Variants in ALDH1L2 observed in about 807,000 individuals in gnomAD.
The protein encoded by ALDH1L2 is mitochondrial 10-formyltetrahydrofolate dehydrogenase.
Under a neutral mutation model 111.0 loss-of-function variants are expected in ALDH1L2, and 91 were observed. The observed-to-expected ratio is 0.82, with a 90% CI of 0.69 to 0.98. ALDH1L2 has a LOEUF of 0.98. Among genes scored for constraint, ALDH1L2 ranks in the 50% least tolerant of loss-of-function variants. ALDH1L2 has a pLI of 0.00. For synonymous variants in ALDH1L2, 374 were observed against 392.6 expected (o/e 0.95, Z 0.56); for missense variants, 995 against 1,126.8 (o/e 0.88, Z 1.67).
Position 105,070,732 on chromosome 12 carries a change from T to C in ALDH1L2, c.266A>G (p.Lys89Arg). The C allele has an allele frequency of 1.2e-6, 2 of 1,614,192 alleles. No individual in the cohort carries two copies. Among genetic ancestry groups the C allele is most frequent in the African/African-American group, 1.3e-5 (1 of 75,040 alleles). ...PKWRVKGKTI[K>R]EVAEAYRSVG... ...GGATCTGTAGGCTTCTGCCACTTCT[T>C]TGATGGTCTTGCCCTTGACCCTCCA... The change falls in exon 3 of 23, where the codon AAA (lysine) becomes AGA (arginine). Residue 89 changes from lysine to arginine, a missense_variant. Physicochemically the swap from Lys to Arg is conservative, Grantham distance 26 (BLOSUM62 2). Transcript: ENST00000258494.
In ALDH1L2 at chr12:105,073,900, A is replaced by G; in HGVS notation, c.154T>C (p.Phe52Leu). The change falls in exon 2 of 23, where the codon TTC becomes CTC. Residue 52 changes from phenylalanine (F) to leucine (L), a missense_variant. Physicochemically the swap from Phe to Leu is conservative, Grantham distance 22 (BLOSUM62 0). Coordinates refer to ENST00000258494, the MANE Select transcript of ALDH1L2 (RefSeq NM_001034173.4). ...TTTCCATCCTTGTCTGGAACTGTGAACACCCCTACTACTCGGTGGCCCTCT... is the reference window on the plus strand; with the variant it reads ...TTTCCATCCTTGTCTGGAACTGTGAGCACCCCTACTACTCGGTGGCCCTCT... ...RKEGHRVVGV[F>L]TVPDKDGKAD... 1 of 1,614,100 alleles carries G rather than the reference A, an allele frequency of 6.2e-7. No individual in the cohort carries two copies. The highest frequency in any genetic ancestry group is 8.5e-7 in the Non-Finnish European group (1 of 1,180,018).
In ALDH1L2 at chr12:105,034,386, C is replaced by T; in HGVS notation, c.2158G>A (p.Val720Ile). The T allele has an allele frequency of 6.2e-7, 1 of 1,611,208 alleles. No individual in the cohort carries two copies. Among genetic ancestry groups the T allele is most frequent in the Non-Finnish European group, 8.5e-7 (1 of 1,179,288 alleles). The change falls in exon 19 of 23, where the codon GTA becomes ATA. Residue 720 changes from valine to isoleucine, a missense_variant. By Grantham distance (29) the Val-to-Ile change is conservative. Coordinates refer to ENST00000258494, the MANE Select transcript of ALDH1L2 (RefSeq NM_001034173.4). Reference sequence around the variant, plus strand: ...CAGTTCTCTCCTTTGTTGAAAAATACTGCTCCCATGCCCTTCAGTGGGAGA... The same window carrying T: ...CAGTTCTCTCCTTTGTTGAAAAATATTGCTCCCATGCCCTTCAGTGGGAGA... ...DKAVRMGMGA[V>I]FFNKGENCIA...
At chr12:105,059,534 A>G (rs1222565556) in intron 9 of ALDH1L2, among the ~76,000 whole-genome samples, 2 of 152,156 alleles carry the variant, frequency 1.3e-5, no homozygotes, top group East Asian at 3.9e-4. Context: ...TAGTTAAGCC[A>G]ATTAGAAGTT....
chr12:105,080,924 A>T (rs1321137627), intron 1 of ALDH1L2, among the ~76,000 whole-genome samples: 2 of 152,232 alleles, frequency 1.3e-5, no homozygotes, highest in Non-Finnish European at 2.9e-5. Context: ...CGTGGATTCA[A>T]CCAACCATGA....
chr12:105,027,753 C>T (rs935262134), intron 21 of ALDH1L2, among the ~76,000 whole-genome samples: 2 of 152,182 alleles, frequency 1.3e-5, no homozygotes, highest in Non-Finnish European at 2.9e-5. Context: ...ATAGTGCTGA[C>T]TTAACTCTTC....
At chr12:105,035,835 ATATATGTGTGTGTG>A in intron 18 of ALDH1L2, among the ~76,000 whole-genome samples, 1 of 99,054 alleles carries the variant, frequency 1.0e-5, no homozygotes, top group South Asian at 2.7e-4. Context: ...CTATATATAT[ATATATGTGTGTGTG>A]TGTGTGTGTG....
chr12:105,027,481 T>C (rs999606901), intron 21 of ALDH1L2, among the ~76,000 whole-genome samples: 13 of 152,216 alleles, frequency 8.5e-5, no homozygotes, highest in African/African-American at 2.7e-4. Context: ...ACCAGTGCCA[T>C]TGTCGAGGTG....
chr12:105,052,034 C>T (rs1329614516), intron 12 of ALDH1L2, 56 bp downstream of exon 12: 3 of 1,414,224 alleles, frequency 2.1e-6, no homozygotes, highest in Non-Finnish European at 2.8e-6. Flanking sequence ...GTAGTGAACC[C>T]CTGTCTCTAC....
At chr12:105,042,687 C>T (rs1201890621) in intron 15 of ALDH1L2, among the ~76,000 whole-genome samples, 1 of 152,204 alleles carries the variant, frequency 6.6e-6, no homozygotes, top group Non-Finnish European at 1.5e-5. Context: ...TCCCACCCTC[C>T]TTTCCACCCC....
chr12:105,029,601 A>C (rs1179137791), intron 21 of ALDH1L2, among the ~76,000 whole-genome samples: 1 of 152,212 alleles, frequency 6.6e-6, no homozygotes, highest in Non-Finnish European at 1.5e-5. Flanking sequence ...CCTTGAATGG[A>C]TATATCAAAG....
chr12:105,061,557 G>A, intron 8 of ALDH1L2, 70 bp downstream of exon 8: 1 of 1,593,216 alleles, frequency 6.3e-7, no homozygotes, highest in Non-Finnish European at 8.6e-7. Context: ...TTTGAGGACT[G>A]ATGGTACCAG....
At chr12:105,068,652 C>G in intron 4 of ALDH1L2, 67 bp downstream of exon 4, 1 of 1,302,108 alleles carries the variant, frequency 7.7e-7, no homozygotes. Context: ...ATAATTTCTT[C>G]ATAAAAGAAA....
chr12:105,038,957 G>A (rs935630426), intron 17 of ALDH1L2, among the ~76,000 whole-genome samples: 1 of 152,112 alleles, frequency 6.6e-6, no homozygotes, highest in Admixed American at 6.5e-5. Flanking sequence ...AAAGTACGCT[G>A]CTTATTTTTC....
intron 7 of ALDH1L2, 86 bp downstream of exon 7, chr12:105,062,802 A>G: frequency 2.0e-6 from 3 of 1,498,406 alleles, no homozygotes; most frequent in Non-Finnish European, 2.7e-6. Flanking sequence ...CCAGCCAGCA[A>G]TGGAGTGAAA....
intron 14 of ALDH1L2, 22 bp from the exon 15 acceptor site, chr12:105,046,837 A>G: frequency 6.2e-7 from 1 of 1,613,334 alleles, no homozygotes; most frequent in Non-Finnish European, 8.5e-7. Flanking sequence ...GAAATTCGAC[A>G]TGCTTAGTTG....
intron 17 of ALDH1L2, 42 bp from the exon 18 acceptor site, chr12:105,038,244 T>C: frequency 1.7e-6 from 1 of 581,030 alleles, no homozygotes. Flanking sequence ...AGTTAACATC[T>C]CTCTCTCTCT....
chr12:105,039,764 CG>C lies in ALDH1L2; in HGVS notation c.1993del (p.Arg665AlafsTer16). The C allele has an allele frequency of 6.2e-7, 1 of 1,613,896 alleles. No homozygotes were observed. On this transcript the variant is annotated frameshift_variant, in exon 17 of 23. Transcript: ENST00000258494. LOFTEE classifies it high-confidence loss of function. ...GQRLSEHPDIRKLGFTGSTPI... is the reference protein window; with the variant it reads ...GQRLSEHPDIXKLGFTGSTPI... Reference sequence around the variant, plus strand: ...AGTGGATCCAGTGAAACCAAGTTTGCGGATGTCAGGATGTTCAGACAGACGT... The same window carrying C: ...AGTGGATCCAGTGAAACCAAGTTTGCGATGTCAGGATGTTCAGACAGACGT...
chr12:105,039,897 G>A, intron 16 of ALDH1L2, 91 bp from the exon 17 acceptor site: 8 of 1,043,856 alleles, frequency 7.7e-6, no homozygotes, highest in Non-Finnish European at 1.2e-5. Flanking sequence ...TTGGGAGGCT[G>A]AGGCAAGCAG....
chr12:105,082,774 G>A (rs1479864647), intron 1 of ALDH1L2, among the ~76,000 whole-genome samples: 1 of 152,190 alleles, frequency 6.6e-6, no homozygotes, highest in Non-Finnish European at 1.5e-5. Flanking sequence ...ATATAAAACT[G>A]CCAAACAGTT....
Sources: gnomAD v4.1 joint callset for allele counts (sites outside exome capture counted in the v4.1 genomes callset) on GRCh38, gnomAD v4.1.1 for gene constraint, MANE v1.5 for transcripts, NCBI Gene and HGNC (gene_info 2026-07-23, HGNC 2026-07-21) for gene names.